The following PIAS1 variants were observed in gnomAD, a reference collection of about 807,000 sequenced individuals.
PIAS1 encodes E3 SUMO-protein ligase PIAS1.
In PIAS1, 6 loss-of-function variants were observed where a neutral mutation model predicts 71.3. The observed-to-expected ratio is 0.08, with a 90% CI of 0.05 to 0.17. PIAS1 has a LOEUF of 0.17. Among genes scored for constraint, PIAS1 ranks in the 10% least tolerant of loss-of-function variants. PIAS1 has a pLI of 1.00. For synonymous variants in PIAS1, 303 were observed against 292.9 expected (o/e 1.03, Z -0.35); for missense variants, 555 against 793.6 (o/e 0.70, Z 3.61).
chr15:68,135,183 G>T (rs1289599994), intron 2 of PIAS1, among the ~76,000 whole-genome samples: 2 of 45,976 alleles, frequency 4.4e-5, no homozygotes, highest in African/African-American at 9.4e-5. Flanking sequence ...GTGGCTGGCC[G>T]GGCGGGGGGC....
rs1416921541 is a variant in PIAS1, at chr15:68,189,288, G to A, written c.*1453G>A. On this transcript the variant is annotated 3_prime_UTR_variant, in exon 14 of 14. Coordinates refer to ENST00000249636, the MANE Select transcript of PIAS1 (RefSeq NM_016166.3). ...CAGAGAAGGTATGATGTTCTCAGGTGTGGAAAATATTTTTTAGTTGATTGA... is the reference window on the plus strand; with the variant it reads ...CAGAGAAGGTATGATGTTCTCAGGTATGGAAAATATTTTTTAGTTGATTGA... 2.6e-5 allele frequency: 4 copies of A among 152,204 alleles called. No individual in the cohort carries two copies. Among genetic ancestry groups the A allele is most frequent in the Non-Finnish European group, 4.4e-5 (3 of 68,028 alleles). The allele number at this position is 152,204 out of a possible 1,614,324, so 9.4% of individuals were successfully genotyped here.
At chr15:68,062,055 T>C (rs1438650991) in intron 1 of PIAS1, among the ~76,000 whole-genome samples, 2 of 152,230 alleles carry the variant, frequency 1.3e-5, no homozygotes, top group African/African-American at 2.4e-5. Flanking sequence ...CTGATACTCT[T>C]GTCTATAAGA....
At chr15:68,085,103 A>C (rs184867263) in intron 1 of PIAS1, among the ~76,000 whole-genome samples, 1 of 152,278 alleles carries the variant, frequency 6.6e-6, no homozygotes, top group East Asian at 1.9e-4. Flanking sequence ...TGGGGTTATC[A>C]TTGTGAGTGG....
At chr15:68,142,982 T>C (rs2092782677) in intron 4 of PIAS1, among the ~76,000 whole-genome samples, 1 of 152,118 alleles carries the variant, frequency 6.6e-6, no homozygotes, top group Non-Finnish European at 1.5e-5. Context: ...AACCCCTTAT[T>C]GAGTTTCTTT....
chr15:68,055,361 C>A, intron 1 of PIAS1: 1 of 226,944 alleles, frequency 4.4e-6, no homozygotes, highest in African/African-American at 2.3e-5. Context: ...TTCCTCTTAA[C>A]AGTACCAATT....
intron 9 of PIAS1, 47 bp from the exon 10 acceptor site, chr15:68,175,590 T>G: frequency 9.0e-7 from 1 of 1,104,976 alleles, no homozygotes; most frequent in Non-Finnish European, 1.2e-6. Flanking sequence ...TGTTCAACCT[T>G]TATGTTCATT....
At chr15:68,107,663 T>C (rs2092483455) in intron 2 of PIAS1, among the ~76,000 whole-genome samples, 1 of 152,186 alleles carries the variant, frequency 6.6e-6, no homozygotes. Context: ...AAGTGTCTAT[T>C]AAACTATATC....
chr15:68,143,695 A>G (rs1039206818), intron 4 of PIAS1, among the ~76,000 whole-genome samples: 3 of 152,090 alleles, frequency 2.0e-5, no homozygotes, highest in Non-Finnish European at 2.9e-5. Flanking sequence ...AACAGTTTAC[A>G]TTTTGCTTGT....
intron 2 of PIAS1, among the ~76,000 whole-genome samples, chr15:68,138,363 C>T (rs886755588): frequency 1.3e-5 from 2 of 152,022 alleles, no homozygotes; most frequent in African/African-American, 4.8e-5. Flanking sequence ...TGTCCATGGC[C>T]CTGAACATTA....
intron 1 of PIAS1, among the ~76,000 whole-genome samples, chr15:68,083,253 CTT>C (rs1169938837): frequency 6.6e-6 from 1 of 152,168 alleles, no homozygotes; most frequent in Non-Finnish European, 1.5e-5. Flanking sequence ...GTTGTCAACA[CTT>C]TTCATTGTGA....
intron 1 of PIAS1, among the ~76,000 whole-genome samples, chr15:68,073,747 G>T (rs2092126840): frequency 1.3e-5 from 2 of 152,056 alleles, no homozygotes; most frequent in Non-Finnish European, 2.9e-5. Context: ...AAGGAGATGG[G>T]GCCTCTGAGT....
intron 6 of PIAS1, among the ~76,000 whole-genome samples, chr15:68,152,715 CT>C (rs2092856424): frequency 6.6e-6 from 1 of 152,110 alleles, no homozygotes; most frequent in South Asian, 2.1e-4. Context: ...TTTCCTTTTA[CT>C]TCTTTTCAAG....
At chr15:68,102,474 A>T (rs968981722) in intron 2 of PIAS1, among the ~76,000 whole-genome samples, 3 of 152,204 alleles carry the variant, frequency 2.0e-5, no homozygotes, top group African/African-American at 4.8e-5. Context: ...TTCTCGCTCT[A>T]CAAATAGTCT....
intron 1 of PIAS1, among the ~76,000 whole-genome samples, chr15:68,073,793 G>A (rs372740759): frequency 6.6e-6 from 1 of 152,182 alleles, no homozygotes; most frequent in Non-Finnish European, 1.5e-5. Context: ...AAGCACAAGC[G>A]TGACATCATT....
intron 7 of PIAS1, among the ~76,000 whole-genome samples, chr15:68,158,764 TTAAAA>T: frequency 6.6e-6 from 1 of 152,258 alleles, no homozygotes; most frequent in Non-Finnish European, 1.5e-5. Context: ...AAAGGCTGAA[TTAAAA>T]TAACCTGATA....
intron 2 of PIAS1, among the ~76,000 whole-genome samples, chr15:68,120,709 C>T (rs567007515): frequency 1.3e-5 from 2 of 152,144 alleles, no homozygotes; most frequent in South Asian, 4.1e-4. Flanking sequence ...GACTGGAGTG[C>T]AGTGGCGTGA....
chr15:68,114,208 A>G (rs1393334420), intron 2 of PIAS1, among the ~76,000 whole-genome samples: 1 of 152,076 alleles, frequency 6.6e-6, no homozygotes, highest in African/African-American at 2.4e-5. Context: ...CTTTCAACGC[A>G]TAATATGTAA....
intron 2 of PIAS1, among the ~76,000 whole-genome samples, chr15:68,136,796 A>G (rs546341524): frequency 6.6e-6 from 1 of 152,314 alleles, no homozygotes. Flanking sequence ...AATATAGCCC[A>G]AATGAAATTT....
At chr15:68,137,235 T>G (rs911919571) in intron 2 of PIAS1, among the ~76,000 whole-genome samples, 1 of 152,120 alleles carries the variant, frequency 6.6e-6, no homozygotes, top group Non-Finnish European at 1.5e-5. Context: ...AGCCCAAAGA[T>G]ATCCACAGAG....
Sources: allele counts gnomAD v4.1 joint callset (sites outside exome capture counted in the v4.1 genomes callset), GRCh38; gene constraint gnomAD v4.1.1; transcripts MANE v1.5; gene names NCBI Gene and HGNC (gene_info 2026-07-23, HGNC 2026-07-21).